CSNK1G3: variants seen among roughly 807,000 people sequenced by gnomAD.
CSNK1G3 encodes casein kinase 1 gamma 3.
A neutral mutation model predicts 64.3 loss-of-function variants in CSNK1G3; 23 were observed. The ratio of observed to expected loss-of-function variants is 0.36; its 90% CI spans 0.26 to 0.51. The LOEUF (loss-of-function observed/expected upper bound fraction) is 0.51, where lower values mean the gene tolerates loss of function less well. Among genes scored for constraint, CSNK1G3 ranks in the 20% least tolerant of loss-of-function variants. The pLI is 0.96. For missense variants in CSNK1G3, 357 were observed against 510.5 expected (o/e 0.70, Z 2.90); for synonymous variants, 158 against 162.2 (o/e 0.97, Z 0.20).
rs1039399451 is a variant in CSNK1G3 at position 123,538,602 on chromosome 5, G to A, written c.-247-6815G>A. 9.4e-4 allele frequency among the ~76,000 whole-genome samples: 143 copies of A among 152,188 alleles called. 1 individual carries two copies. The highest frequency in any genetic ancestry group is 1.2e-4 in the Non-Finnish European group (8 of 67,998). On this transcript the variant is annotated intron_variant, in intron 1 of 12. Transcript: ENST00000345990. ...GTCGGGGAGTGGGGAGCTAGGAGAGGGATAGCATTAGGAGAAATACCTAAT... is the reference window on the plus strand; with the variant it reads ...GTCGGGGAGTGGGGAGCTAGGAGAGAGATAGCATTAGGAGAAATACCTAAT...
intron 12 of CSNK1G3, 139 bp from the exon 14 acceptor site, chr5:123,614,203 C>T (rs1749050367): frequency 6.1e-6 from 4 of 655,964 alleles, no homozygotes; most frequent in South Asian, 2.2e-5. Flanking sequence ...TTCACTAATA[C>T]GTATGCTTCA....
At chr5:123,513,800 G>A (rs1056748193) in intron 1 of CSNK1G3, among the ~76,000 whole-genome samples, 3 of 152,120 alleles carry the variant, frequency 2.0e-5, no homozygotes, top group African/African-American at 7.2e-5. Flanking sequence ...CAGAAATTGT[G>A]AGAATAATGT....
intron 1 of CSNK1G3, among the ~76,000 whole-genome samples, chr5:123,517,617 G>A (rs554132278): frequency 6.8e-4 from 104 of 152,220 alleles, no homozygotes; most frequent in African/African-American, 2.4e-3. Context: ...TTAAGAAACA[G>A]AAACTGGAAA....
intron 6 of CSNK1G3, among the ~76,000 whole-genome samples, chr5:123,585,200 C>T (rs566204241): frequency 1.1e-4 from 17 of 151,654 alleles, no homozygotes; most frequent in African/African-American, 4.1e-4. Context: ...GGTGCAAAAG[C>T]AACTCGAGGG....
intron 4 of CSNK1G3, among the ~76,000 whole-genome samples, chr5:123,570,769 G>A (rs1229040763): frequency 6.6e-6 from 1 of 152,200 alleles, no homozygotes; most frequent in African/African-American, 2.4e-5. Flanking sequence ...GTAACAAACT[G>A]TAGTGGAATA....
exon 2 of CSNK1G3, chr5:123,545,526 T>C: frequency 1.6e-6 from 1 of 622,334 alleles, no homozygotes; most frequent in Non-Finnish European, 2.6e-6. Flanking sequence ...CTCCAGTTAA[T>C]TGACTACCTA....
At chr5:123,605,484 A>G in intron 12 of CSNK1G3, 122 bp downstream of exon 13, 1 of 1,049,712 alleles carries the variant, frequency 9.5e-7, no homozygotes, top group Non-Finnish European at 1.4e-6. Flanking sequence ...GGTAAAAGTT[A>G]TTCAAAAGTA....
chr5:123,564,796 AT>A (rs1227707050), intron 4 of CSNK1G3, among the ~76,000 whole-genome samples: 1 of 152,186 alleles, frequency 6.6e-6, no homozygotes, highest in Non-Finnish European at 1.5e-5. Flanking sequence ...TTACTGCTAA[AT>A]GCAGATATTG....
chr5:123,599,713 A>G (rs1794104396), intron 10 of CSNK1G3, among the ~76,000 whole-genome samples: 1 of 152,156 alleles, frequency 6.6e-6, no homozygotes, highest in Non-Finnish European at 1.5e-5. Flanking sequence ...TTCTATTCAT[A>G]GTTTTCTGGG....
intron 6 of CSNK1G3, among the ~76,000 whole-genome samples, chr5:123,578,110 A>G (rs1302529436): frequency 2.0e-5 from 3 of 151,934 alleles, no homozygotes; most frequent in Non-Finnish European, 4.4e-5. Flanking sequence ...TTGAATGTTG[A>G]TGGATATTTG....
intron 10 of CSNK1G3, among the ~76,000 whole-genome samples, chr5:123,593,022 TATA>T (rs1258353828): frequency 6.6e-6 from 1 of 151,938 alleles, no homozygotes. Flanking sequence ...TGTTAGGTAT[TATA>T]ATAAGTGAAA....
chr5:123,576,116 T>C (rs1004797882), intron 6 of CSNK1G3, among the ~76,000 whole-genome samples, 153 bp downstream of exon 6: 3 of 152,222 alleles, frequency 2.0e-5, no homozygotes, highest in Non-Finnish European at 4.4e-5. Flanking sequence ...CTTTCACTTA[T>C]ATTTTAATAA....
intron 4 of CSNK1G3, among the ~76,000 whole-genome samples, chr5:123,563,927 G>A (rs1430350462): frequency 2.0e-5 from 3 of 151,990 alleles, no homozygotes; most frequent in Non-Finnish European, 4.4e-5. Context: ...CTTAATCTCA[G>A]CCCAGGTAAC....
chr5:123,529,407 C>A (rs868556178), intron 1 of CSNK1G3, among the ~76,000 whole-genome samples: 13 of 152,076 alleles, frequency 8.5e-5, no homozygotes, highest in African/African-American at 3.1e-4. Flanking sequence ...AAAGAACATT[C>A]TTTTAAATCA....
chr5:123,570,648 G>A (rs763572771), intron 4 of CSNK1G3, among the ~76,000 whole-genome samples: 6 of 152,040 alleles, frequency 3.9e-5, no homozygotes, highest in African/African-American at 9.7e-5. Context: ...GAGCTACCGC[G>A]CCCAGCCGAC....
chr5:123,553,509 A>AT, intron 3 of CSNK1G3, among the ~76,000 whole-genome samples: 1 of 152,340 alleles, frequency 6.6e-6, no homozygotes, highest in South Asian at 2.1e-4. Context: ...TGTTCTTAGT[A>AT]TTCAGGATTA....
Position 123,571,370 on chromosome 5 carries a change from G to A in CSNK1G3, c.290-2023G>A, listed in dbSNP as rs371434384. Among the ~76,000 whole-genome samples the A allele has an allele frequency of 2.6e-5, 4 of 152,028 alleles. No individual in the cohort carries two copies. In the South Asian group the frequency reaches 8.3e-4, roughly 32 times the overall value. ...GCAGTCCCGGCTCACTGCAATCTCCGCCTCCTGGGTTCAAGTGATTCTCCT... is the reference window on the plus strand; with the variant it reads ...GCAGTCCCGGCTCACTGCAATCTCCACCTCCTGGGTTCAAGTGATTCTCCT... On this transcript the variant is annotated intron_variant, in intron 4 of 12. Transcript: ENST00000345990.
chr5:123,573,290 C>T (rs1176558679), intron 4 of CSNK1G3, 103 bp from the exon 5 acceptor site: 7 of 1,226,418 alleles, frequency 5.7e-6, no homozygotes, highest in Admixed American at 1.8e-5. Context: ...GATAGTACTG[C>T]TTTAGTTCTT....
At chr5:123,580,313 A>AT (rs1370655399) in intron 6 of CSNK1G3, among the ~76,000 whole-genome samples, 1 of 151,932 alleles carries the variant, frequency 6.6e-6, no homozygotes, top group Non-Finnish European at 1.5e-5. Context: ...GTTTGTAAGT[A>AT]TTTTTCCTTT....
Sources: allele counts gnomAD v4.1 joint callset (sites outside exome capture counted in the v4.1 genomes callset), GRCh38; gene constraint gnomAD v4.1.1; transcripts MANE v1.5; gene names NCBI Gene and HGNC (gene_info 2026-07-23, HGNC 2026-07-21).